Variants in MPZL1 observed in about 807,000 individuals in gnomAD.
MPZL1 encodes myelin protein zero-like protein 1.
MPZL1 carries 16 observed loss-of-function variants against 29.3 expected under a neutral mutation model. The observed-to-expected ratio is 0.55, with a 90% CI of 0.37 to 0.83. The LOEUF is 0.83. Among genes scored for constraint, MPZL1 ranks in the 40% least tolerant of loss-of-function variants. The probability of loss-of-function intolerance (pLI) is 0.00; values close to 1 mark genes in which losing one functional copy is unlikely to be tolerated. For missense variants in MPZL1, 279 were observed against 332.9 expected, an observed-to-expected ratio of 0.84 and a Z score of 1.26; for synonymous variants, 143 against 132.0, an observed-to-expected ratio of 1.08 and a Z score of -0.57.
At chr1:167,736,068 C>A (rs1179043775) in intron 1 of MPZL1, among the ~76,000 whole-genome samples, 1 of 152,154 alleles carries the variant, frequency 6.6e-6, no homozygotes, top group African/African-American at 2.4e-5. Flanking sequence ...CCTTTTCTTT[C>A]CAGACCTTTT....
chr1:167,771,727 AGCTGGGC>A (rs1451808920), intron 2 of MPZL1, among the ~76,000 whole-genome samples: 6 of 152,124 alleles, frequency 3.9e-5, no homozygotes, highest in African/African-American at 1.4e-4. Flanking sequence ...ATGGGGTGGC[AGCTGGGC>A]AGAGGCTGTA....
intron 1 of MPZL1, among the ~76,000 whole-genome samples, chr1:167,749,451 G>T (rs545273989): frequency 5.3e-4 from 80 of 152,280 alleles, no homozygotes; most frequent in Admixed American, 2.0e-4. Flanking sequence ...TAAAGAGGAG[G>T]CTTAGGGGAA....
chr1:167,773,209 TA>T, intron 3 of MPZL1, 26 bp from the exon 4 acceptor site: 1 of 1,603,648 alleles, frequency 6.2e-7, no homozygotes, highest in Non-Finnish European at 8.5e-7. Flanking sequence ...CAATGTACCT[TA>T]AAACTATTTT....
At chr1:167,747,951 A>G (rs1325176463) in intron 1 of MPZL1, among the ~76,000 whole-genome samples, 1 of 152,238 alleles carries the variant, frequency 6.6e-6, no homozygotes, top group Non-Finnish European at 1.5e-5. Flanking sequence ...TTTCTGTATT[A>G]GAAATTTTAT....
At chr1:167,760,351 C>T (rs1471579305) in intron 1 of MPZL1, among the ~76,000 whole-genome samples, 2 of 41,350 alleles carry the variant, frequency 4.8e-5, no homozygotes, top group Admixed American at 3.1e-4. Flanking sequence ...TACAGGCGCC[C>T]GCCACCACAC....
intron 2 of MPZL1, among the ~76,000 whole-genome samples, chr1:167,771,615 G>A (rs1478523682): frequency 2.0e-5 from 3 of 151,568 alleles, no homozygotes; most frequent in Non-Finnish European, 4.4e-5. Context: ...GGTGGTGGCC[G>A]GGCAGAGGCG....
At position 167,773,420 on chromosome 1, in the gene MPZL1, T is replaced by C. The variant is rs766685419; in HGVS notation, c.605+52T>C. 1.9e-6 allele frequency: 3 copies of C among 1,545,380 alleles called. No individual in the cohort carries two copies. The Admixed American group carries it at 6.3e-5, about 33-fold the overall frequency. On this transcript the variant is annotated intron_variant, in intron 4 of 5. Transcript: ENST00000359523. The stretch of plus-strand genomic sequence containing the variant: ...GGGGTGGAGGGAGGGAATCAGGGTT[T>C]ATAGAAACTTCTGTATTTAATGAAA...
intron 2 of MPZL1, 128 bp from the exon 3 acceptor site, chr1:167,772,147 G>C: frequency 1.3e-6 from 1 of 744,522 alleles, no homozygotes; most frequent in Non-Finnish European, 2.2e-6. Flanking sequence ...GGGAGAGGGA[G>C]AGGGAGAGAG....
chr1:167,787,731 G>T, intron 5 of MPZL1, 89 bp from the exon 6 acceptor site: 1 of 933,096 alleles, frequency 1.1e-6, no homozygotes, highest in Admixed American at 2.0e-5. Flanking sequence ...GAACCCTGAT[G>T]TGATCACGTT....
chr1:167,776,114 C>T lies in MPZL1; in HGVS notation c.656C>T (p.Ser219Phe), dbSNP rs776240326. The change falls in exon 5 of 6, where the codon TCC becomes TTC. Residue 219 changes from serine to phenylalanine, a missense_variant. Physicochemically the swap from Ser to Phe is radical, Grantham distance 155 (BLOSUM62 -2). Transcript: ENST00000359523. ...CCAGTTAAGCAGGCTCCTCGGAAGTCCCCCTCCGACACTGAGGGTCTTGTA... is the reference window on the plus strand; with the variant it reads ...CCAGTTAAGCAGGCTCCTCGGAAGTTCCCCTCCGACACTGAGGGTCTTGTA... ...LSPVKQAPRK[S>F]PSDTEGLVKS... The T allele has an allele frequency of 6.2e-7, 1 of 1,612,606 alleles. No individual in the cohort carries two copies. Among genetic ancestry groups the T allele is most frequent in the South Asian group, 1.1e-5 (1 of 90,918 alleles).
chr1:167,739,312 C>CATATATATATATATATATATATATATAT (rs1346286313), intron 1 of MPZL1, among the ~76,000 whole-genome samples: 70 of 82,032 alleles, frequency 8.5e-4, no homozygotes, highest in African/African-American at 4.2e-3. Flanking sequence ...TATATATACA[C>CATATATATATATATATATATATATATAT]ATATATATAT....
chr1:167,736,500 G>A (rs1215201546), intron 1 of MPZL1, among the ~76,000 whole-genome samples: 2 of 152,028 alleles, frequency 1.3e-5, no homozygotes, highest in African/African-American at 2.4e-5. Flanking sequence ...TCCTCAAACT[G>A]TGCTTCCTCC....
In MPZL1 at chr1:167,722,045, G is replaced by A. The variant is rs2101739608; in HGVS notation, c.-107G>A. ...GCGCGGCGTGGAGGTGCCACCCGGC[G>A]CGGGTGGCGGAGAGATCAGAAGCCT... On this transcript the variant is annotated 5_prime_UTR_variant, in exon 1 of 6. Coordinates refer to ENST00000359523, the MANE Select transcript of MPZL1 (RefSeq NM_003953.6). The A allele has an allele frequency of 2.3e-5, 28 of 1,219,146 alleles. No homozygotes were observed. Among genetic ancestry groups the A allele is most frequent in the East Asian group, 3.2e-5 (1 of 31,488 alleles). 75.5% of individuals were successfully genotyped at this position (1,219,146 alleles called of 1,614,324 possible). A position where few individuals can be genotyped will look rare whatever the true frequency, so the allele number is the denominator to read the frequency against.
intron 1 of MPZL1, among the ~76,000 whole-genome samples, chr1:167,724,186 A>G (rs1558104873): frequency 1.3e-5 from 2 of 152,182 alleles, no homozygotes; most frequent in South Asian, 4.1e-4. Context: ...GGGAGTTTAA[A>G]CTGGGTAGGC....
At chr1:167,766,794 A>G (rs1214941146) in intron 2 of MPZL1, among the ~76,000 whole-genome samples, 1 of 152,204 alleles carries the variant, frequency 6.6e-6, no homozygotes, top group African/African-American at 2.4e-5. Context: ...CTGTGGCCAT[A>G]CCACACAGGT....
At position 167,772,318 on chromosome 1, in the gene MPZL1, C is replaced by T. The variant is rs368816230; in HGVS notation, c.302C>T (p.Pro101Leu). ...GGGCAAGTGTACCTTGGGAATTATC[C>T]ACCATTTAAAGACAGAATCAGCTGG... ...SQGQVYLGNY[P>L]PFKDRISWAG... The change falls in exon 3 of 6, where the codon CCA (proline) becomes CTA (leucine). Residue 101 changes from proline to leucine, a missense_variant. Coordinates refer to ENST00000359523, the MANE Select transcript of MPZL1 (RefSeq NM_003953.6). The T allele has an allele frequency of 1.2e-6, 2 of 1,613,708 alleles. No individual in the cohort carries two copies. The highest frequency in any genetic ancestry group is 1.7e-6 in the Non-Finnish European group (2 of 1,179,818).
At chr1:167,760,450 A>G (rs1481990770) in intron 1 of MPZL1, among the ~76,000 whole-genome samples, 1 of 152,042 alleles carries the variant, frequency 6.6e-6, no homozygotes, top group Non-Finnish European at 1.5e-5. Context: ...TGTTCCGCCC[A>G]CTTTGGCCTC....
chr1:167,726,062 G>A (rs1303192845), intron 1 of MPZL1, among the ~76,000 whole-genome samples: 1 of 152,200 alleles, frequency 6.6e-6, no homozygotes, highest in Non-Finnish European at 1.5e-5. Flanking sequence ...CCCATGGCCT[G>A]AAAAGCTCTT....
chr1:167,777,639 TTGTC>T (rs1174151987), intron 5 of MPZL1, among the ~76,000 whole-genome samples: 1 of 152,112 alleles, frequency 6.6e-6, no homozygotes, highest in African/African-American at 2.4e-5. Context: ...CCTTGAGTCT[TTGTC>T]TGATTACAGA....
Sources: gnomAD v4.1 joint callset for allele counts (sites outside exome capture counted in the v4.1 genomes callset) on GRCh38, gnomAD v4.1.1 for gene constraint, MANE v1.5 for transcripts, NCBI Gene and HGNC (gene_info 2026-07-23, HGNC 2026-07-21) for gene names.